The following RGS7 variants were observed in gnomAD, a reference collection of about 807,000 sequenced individuals.
RGS7 encodes the protein regulator of G protein signaling 7, also known as regulator of G-protein signaling 7.
A neutral mutation model predicts 81.1 loss-of-function variants in RGS7; 27 were observed. The observed-to-expected ratio is 0.33, with a 90% CI of 0.25 to 0.46. The LOEUF (loss-of-function observed/expected upper bound fraction) is 0.46, where lower values mean the gene tolerates loss of function less well. Ranked by LOEUF, RGS7 falls within the 20% of genes least tolerant of loss-of-function variation. RGS7 has a pLI of 1.00. For missense variants in RGS7, 396 were observed against 607.4 expected, an observed-to-expected ratio of 0.65 and a Z score of 3.66; for synonymous variants, 208 against 207.7, an observed-to-expected ratio of 1.00 and a Z score of -0.01.
chr1:240,936,483 C>T (rs1676658044), intron 5 of RGS7, 117 bp downstream of exon 5: 1 of 767,772 alleles, frequency 1.3e-6, no homozygotes, highest in Admixed American at 2.0e-5. Flanking sequence ...TTCTAACTAG[C>T]CTAAGTCAAA....
intron 2 of RGS7, among the ~76,000 whole-genome samples, chr1:241,154,219 C>T (rs1459888680): frequency 1.3e-5 from 2 of 152,142 alleles, no homozygotes; most frequent in Non-Finnish European, 2.9e-5. Flanking sequence ...AGTGGAGGCT[C>T]GCTCTTCTGG....
chr1:241,060,729 C>T (rs897237810), intron 3 of RGS7, among the ~76,000 whole-genome samples: 2 of 152,160 alleles, frequency 1.3e-5, no homozygotes, highest in Non-Finnish European at 2.9e-5. Flanking sequence ...CAGTATGATG[C>T]ATCTTGGCCC....
intron 2 of RGS7, among the ~76,000 whole-genome samples, chr1:241,105,993 A>G (rs1379025250): frequency 6.6e-6 from 1 of 152,168 alleles, no homozygotes. Flanking sequence ...TGATCACTGA[A>G]GCGCTTCTTG....
rs1318767946 is a variant in RGS7, at chr1:240,818,315, C to T, written c.685-1900G>A. On this transcript the variant is annotated intron_variant, in intron 10 of 18. Coordinates refer to ENST00000440928, the MANE Select transcript of RGS7 (RefSeq NM_001364886.1). ...AATACAAATAAACAAAATAGATGTG[C>T]TTCTTTCTGCACTGGGACTCACAAT... Among the ~76,000 whole-genome samples the T allele has an allele frequency of 2.0e-5, 3 of 151,498 alleles. No homozygotes were observed. In the Admixed American group the frequency reaches 2.0e-4, roughly 10 times the overall value.
At chr1:240,972,142 T>G (rs985054656) in intron 4 of RGS7, among the ~76,000 whole-genome samples, 6 of 152,220 alleles carry the variant, frequency 3.9e-5, no homozygotes, top group African/African-American at 1.2e-4. Context: ...CATTATGTAA[T>G]GTACCTTTGG....
Position 240,813,659 on chromosome 1 carries a change from T to C in RGS7, c.915A>G (p.Pro305=), listed in dbSNP as rs1690282234. The change falls in exon 13 of 19, where the codon CCA becomes CCG. Residue 305 remains proline, a synonymous_variant. Coordinates refer to ENST00000440928, the MANE Select transcript of RGS7 (RefSeq NM_001364886.1). ...AGAAAGTGGTGTCATCGGACAGCCA[T>C]GGGTTAGAAGGGTCAGGTGGCAAAA... is the stretch of plus-strand genomic sequence containing the variant. ...PFLLPPDPSN[P]WLSDDTTFWE... 6.2e-7 allele frequency: 1 copy of C among 1,613,552 alleles called. No individual in the cohort carries two copies. The highest frequency in any genetic ancestry group is 8.5e-7 in the Non-Finnish European group (1 of 1,179,634).
chr1:241,059,802 A>T (rs866755724), intron 3 of RGS7, among the ~76,000 whole-genome samples: 11 of 152,162 alleles, frequency 7.2e-5, no homozygotes, highest in African/African-American at 2.7e-4. Flanking sequence ...CACCTTACAC[A>T]TCAAGTTCAA....
At chr1:240,795,021 A>G (rs1377708459) in intron 18 of RGS7, among the ~76,000 whole-genome samples, 1 of 152,034 alleles carries the variant, frequency 6.6e-6, no homozygotes, top group Non-Finnish European at 1.5e-5. Context: ...CGTCTCTACT[A>G]AAAATACAAA....
chr1:240,776,259 G>C (rs755608295), intron 18 of RGS7, 46 bp from the exon 19 acceptor site: 3 of 1,451,202 alleles, frequency 2.1e-6, no homozygotes, highest in Non-Finnish European at 2.9e-6. Context: ...AATCAAGTAC[G>C]ATCACTGAAA....
chr1:241,094,099 CTCT>C (rs2064077236), intron 3 of RGS7, among the ~76,000 whole-genome samples: 2 of 152,162 alleles, frequency 1.3e-5, no homozygotes, highest in Admixed American at 1.3e-4. Flanking sequence ...TAACCCAGTA[CTCT>C]CTGCCTTATC....
At chr1:241,276,339 G>A (rs2078193074) in intron 2 of RGS7, among the ~76,000 whole-genome samples, 1 of 152,160 alleles carries the variant, frequency 6.6e-6, no homozygotes. Flanking sequence ...AGCAACTCTT[G>A]CCATTAGTAT....
chr1:240,897,849 A>G (rs1022814032), intron 6 of RGS7, among the ~76,000 whole-genome samples: 3 of 152,184 alleles, frequency 2.0e-5, no homozygotes, highest in Non-Finnish European at 4.4e-5. Flanking sequence ...ATAGTTTCAC[A>G]AGGAATGGTA....
chr1:241,079,320 A>C (rs935429422), intron 3 of RGS7, among the ~76,000 whole-genome samples: 3 of 152,226 alleles, frequency 2.0e-5, no homozygotes, highest in Non-Finnish European at 2.9e-5. Flanking sequence ...ACTGTGTGCC[A>C]AACACTGATT....
At chr1:241,038,110 T>C (rs995106218) in intron 3 of RGS7, among the ~76,000 whole-genome samples, 1 of 152,178 alleles carries the variant, frequency 6.6e-6, no homozygotes, top group African/African-American at 2.4e-5. Context: ...TCCCAAAAAC[T>C]ATTAAAATCT....
chr1:240,905,432 G>A (rs1427267730), intron 6 of RGS7, among the ~76,000 whole-genome samples: 1 of 152,196 alleles, frequency 6.6e-6, no homozygotes, highest in East Asian at 1.9e-4. Context: ...GGAAACTACT[G>A]ACTGAGTAAC....
chr1:240,871,798 T>A (rs1664536532), intron 6 of RGS7, among the ~76,000 whole-genome samples: 1 of 152,172 alleles, frequency 6.6e-6, no homozygotes, highest in Admixed American at 6.5e-5. Flanking sequence ...AGATCAAATT[T>A]TCTTAAATAT....
intron 2 of RGS7, among the ~76,000 whole-genome samples, chr1:241,311,796 C>A (rs1448971486): frequency 1.3e-5 from 2 of 152,208 alleles, no homozygotes; most frequent in African/African-American, 4.8e-5. Context: ...TATAGCAGAA[C>A]TGACTGTATC....
chr1:241,268,569 T>G (rs918671179), intron 2 of RGS7, among the ~76,000 whole-genome samples: 1 of 152,186 alleles, frequency 6.6e-6, no homozygotes, highest in Non-Finnish European at 1.5e-5. Context: ...TCTAAACTCT[T>G]CTAGAAGCAA....
chr1:240,856,761 C>T (rs1572439932), intron 9 of RGS7, among the ~76,000 whole-genome samples: 1 of 152,090 alleles, frequency 6.6e-6, no homozygotes, highest in Admixed American at 6.5e-5. Flanking sequence ...TATCAATTCT[C>T]ATCCAGGAGA....
Sources: gnomAD v4.1 joint callset for allele counts (sites outside exome capture counted in the v4.1 genomes callset) on GRCh38, gnomAD v4.1.1 for gene constraint, MANE v1.5 for transcripts, NCBI Gene and HGNC (gene_info 2026-07-23, HGNC 2026-07-21) for gene names.